SLC35F4: variants seen among roughly 807,000 people sequenced by gnomAD.
The protein encoded by SLC35F4 is chromosome 14 open reading frame 36.
SLC35F4 carries 24 observed loss-of-function variants against 44.2 expected under a neutral mutation model. That is an observed-to-expected ratio of 0.54 (90% CI 0.39 to 0.76). SLC35F4 has a LOEUF of 0.76. SLC35F4 is among the 30% of genes least tolerant of loss of function. The pLI, the probability that SLC35F4 is intolerant of heterozygous loss-of-function variation, is 0.00. For missense variants in SLC35F4, 562 were observed against 586.1 expected (o/e 0.96, Z 0.42); for synonymous variants, 238 against 223.6 (o/e 1.06, Z -0.57).
chr14:57,973,353 A>C (rs1452853189), downstream of SLC35F4, among the ~76,000 whole-genome samples: 1 of 152,168 alleles, frequency 6.6e-6, no homozygotes, highest in East Asian at 1.9e-4. Flanking sequence ...GCTTGTAATC[A>C]CTCACTAGGT....
chr14:57,790,691 G>T (rs553841855), intron 1 of SLC35F4, among the ~76,000 whole-genome samples: 3 of 151,906 alleles, frequency 2.0e-5, no homozygotes, highest in Non-Finnish European at 4.4e-5. Flanking sequence ...AATCCTAAGC[G>T]AAAAGAACAA....
chr14:57,648,998 CTGTT>C (rs142880476), intron 1 of SLC35F4, among the ~76,000 whole-genome samples: 20,143 of 152,122 alleles, frequency 0.13, 1,561 homozygotes, highest in East Asian at 0.22. Flanking sequence ...TGCACACTTG[CTGTT>C]TGTTCACTTC....
chr14:57,586,716 TC>T (rs2069752762), intron 3 of SLC35F4, among the ~76,000 whole-genome samples: 1 of 15,368 alleles, frequency 6.5e-5, no homozygotes, highest in Non-Finnish European at 1.1e-4. Context: ...AGACTCTGTC[TC>T]AAAAAAAAAA....
chr14:57,777,597 G>A (rs1204993813), intron 1 of SLC35F4, among the ~76,000 whole-genome samples: 1 of 151,950 alleles, frequency 6.6e-6, no homozygotes, highest in African/African-American at 2.4e-5. Context: ...TGGACACAGG[G>A]CAGGGAACAT....
At chr14:57,579,772 G>A (rs1189311815) in intron 4 of SLC35F4, among the ~76,000 whole-genome samples, 1 of 152,138 alleles carries the variant, frequency 6.6e-6, no homozygotes, top group Non-Finnish European at 1.5e-5. Flanking sequence ...ACTTCCTAGG[G>A]GATGACTTAT....
intron 1 of SLC35F4, among the ~76,000 whole-genome samples, chr14:57,797,781 A>G (rs1321415959): frequency 6.6e-6 from 1 of 152,092 alleles, no homozygotes; most frequent in African/African-American, 2.4e-5. Flanking sequence ...CTTGCTCTCA[A>G]TTTGTCACTC....
intron 1 of SLC35F4, among the ~76,000 whole-genome samples, chr14:57,623,457 G>A (rs957989837): frequency 2.0e-5 from 3 of 152,166 alleles, no homozygotes; most frequent in Non-Finnish European, 4.4e-5. Context: ...GGACCAAGCG[G>A]ACCTAATTGA....
At chr14:57,732,678 G>A (rs2076370971) in intron 1 of SLC35F4, among the ~76,000 whole-genome samples, 1 of 152,150 alleles carries the variant, frequency 6.6e-6, no homozygotes, top group Non-Finnish European at 1.5e-5. Flanking sequence ...ATTCTACAAG[G>A]AGGGATGAGG....
intron 1 of SLC35F4, among the ~76,000 whole-genome samples, chr14:57,748,533 G>C (rs529700136): frequency 1.3e-5 from 2 of 152,194 alleles, no homozygotes; most frequent in East Asian, 3.9e-4. Flanking sequence ...GCTGAGTCAT[G>C]AGTCAGAGAT....
chr14:57,739,077 A>AC (rs1488899167), intron 1 of SLC35F4, among the ~76,000 whole-genome samples: 1 of 151,922 alleles, frequency 6.6e-6, no homozygotes, highest in East Asian at 1.9e-4. Context: ...TTATCCGAAG[A>AC]CCCCCATGGG....
At chr14:57,833,237 C>T (rs982727288) in intron 1 of SLC35F4, among the ~76,000 whole-genome samples, 3 of 152,146 alleles carry the variant, frequency 2.0e-5, no homozygotes, top group African/African-American at 7.2e-5. Context: ...TTTCACGGTC[C>T]CTAATGAGAT....
In SLC35F4 at chr14:57,816,062, C is replaced by G. The variant is rs183696321; in HGVS notation, c.103+49661G>C. On this transcript the variant is annotated intron_variant, in intron 1 of 7. Transcript: ENST00000556826. ...TAAAGCAGGGCATTTTCATTTTACCCAGCAACATTGTTCTTTCAAGACACA... is the reference window on the plus strand; with the variant it reads ...TAAAGCAGGGCATTTTCATTTTACCGAGCAACATTGTTCTTTCAAGACACA... Among the ~76,000 whole-genome samples the G allele has an allele frequency of 3.3e-5, 5 of 152,214 alleles. No individual in the cohort carries two copies. The East Asian group carries it at 9.7e-4, about 29-fold the overall frequency.
At chr14:57,671,478 T>A (rs953004317) in intron 1 of SLC35F4, among the ~76,000 whole-genome samples, 3 of 151,770 alleles carry the variant, frequency 2.0e-5, no homozygotes, top group African/African-American at 7.3e-5. Context: ...AGACACACCA[T>A]GGGCCAGAAG....
In SLC35F4 at chr14:57,922,971, G is replaced by C. The variant is rs138192464; in HGVS notation, n.282+58942C>G. Reference sequence around the variant, plus strand: ...ATTTAATGGGAAAATTTGCGTTTGAGTGCCTACTAAGAGGCAAAAGCCTTA... The same window carrying C: ...ATTTAATGGGAAAATTTGCGTTTGACTGCCTACTAAGAGGCAAAAGCCTTA... On this transcript the variant is annotated intron_variant and non_coding_transcript_variant, in intron 1 of 1. Transcript: ENST00000556568. Among the ~76,000 whole-genome samples the C allele has an allele frequency of 1.5e-4, 23 of 152,300 alleles. No individual in the cohort carries two copies. The East Asian group carries it at 3.7e-3, about 24-fold the overall frequency.
At chr14:57,829,611 C>G (rs1449215290) in intron 1 of SLC35F4, among the ~76,000 whole-genome samples, 1 of 152,048 alleles carries the variant, frequency 6.6e-6, no homozygotes, top group African/African-American at 2.4e-5. Context: ...AGAGCACAGC[C>G]CTGGCACCAG....
At chr14:57,892,157 C>A (rs1314905495) in intron 1 of SLC35F4, among the ~76,000 whole-genome samples, 1 of 152,122 alleles carries the variant, frequency 6.6e-6, no homozygotes, top group Non-Finnish European at 1.5e-5. Flanking sequence ...TAAGTGCATT[C>A]TTTTATATCT....
At chr14:57,573,925 T>G (rs750753941) in intron 4 of SLC35F4, among the ~76,000 whole-genome samples, 18 of 152,228 alleles carry the variant, frequency 1.2e-4, no homozygotes, top group Non-Finnish European at 2.2e-4. Context: ...CTAACAAAAC[T>G]GTAAATCCTA....
intron 1 of SLC35F4, among the ~76,000 whole-genome samples, chr14:57,978,779 C>T (rs939522511): frequency 6.6e-6 from 1 of 152,196 alleles, no homozygotes; most frequent in East Asian, 1.9e-4. Context: ...AAATATACAT[C>T]CTGATCCATG....
intron 1 of SLC35F4, among the ~76,000 whole-genome samples, chr14:57,711,765 G>C (rs17093599): frequency 0.046 from 7,076 of 152,226 alleles, 212 homozygotes; most frequent in South Asian, 0.083. Context: ...TTATCAAACC[G>C]AAGCGCAGAA....
Sources: allele counts gnomAD v4.1 joint callset (sites outside exome capture counted in the v4.1 genomes callset), GRCh38; gene constraint gnomAD v4.1.1; transcripts MANE v1.5; gene names NCBI Gene and HGNC (gene_info 2026-07-23, HGNC 2026-07-21).